The following ANKRD44 variants were observed in gnomAD, a reference collection of about 807,000 sequenced individuals.
The protein encoded by ANKRD44 is ankyrin repeat domain 44.
In ANKRD44, 35 loss-of-function variants were observed where a neutral mutation model predicts 116.0. The observed-to-expected ratio is 0.30, with a 90% CI of 0.23 to 0.40. The LOEUF (loss-of-function observed/expected upper bound fraction) is 0.40, where lower values mean the gene tolerates loss of function less well. ANKRD44 is among the 10% of genes least tolerant of loss of function. The pLI, the probability that ANKRD44 is intolerant of heterozygous loss-of-function variation, is 1.00. For missense variants in ANKRD44, 1,014 were observed against 1,242.6 expected, an observed-to-expected ratio of 0.82 and a Z score of 2.77; for synonymous variants, 435 against 461.8, an observed-to-expected ratio of 0.94 and a Z score of 0.74.
intron 17 of ANKRD44, chr2:197,015,645 T>A: frequency 1.8e-6 from 1 of 558,670 alleles, no homozygotes; most frequent in Non-Finnish European, 3.3e-6. Context: ...GTGAAGGTGG[T>A]GGCAGCAGAG....
Position 197,171,996 on chromosome 2 carries a change from C to CTTTTTTTTTTTTTTTTTTTT in ANKRD44, c.111+15026_111+15027insAAAAAAAAAAAAAAAAAAAA, listed in dbSNP as rs1559122763. ...TATTATTACCATGTCCGTTATTTTTCTTCTTTTTTTTTTTTTTTTTTGAGA... is the reference window on the plus strand; with the variant it reads ...TATTATTACCATGTCCGTTATTTTTCTTTTTTTTTTTTTTTTTTTTTTCTTTTTTTTTTTTTTTTTTGAGA... On this transcript the variant is annotated intron_variant, in intron 2 of 27. Coordinates refer to ENST00000282272, the MANE Select transcript of ANKRD44 (RefSeq NM_001195144.2). Among the ~76,000 whole-genome samples the CTTTTTTTTTTTTTTTTTTTT allele has an allele frequency of 2.7e-4, 8 of 29,318 alleles. 4 individuals are homozygous for CTTTTTTTTTTTTTTTTTTTT. Among genetic ancestry groups the CTTTTTTTTTTTTTTTTTTTT allele is most frequent in the Non-Finnish European group, 2.8e-4 (2 of 7,034 alleles). 19.2% of individuals were successfully genotyped at this position (29,318 alleles called of 152,430 possible).
intron 1 of ANKRD44, among the ~76,000 whole-genome samples, chr2:197,208,036 C>T (rs2081246855): frequency 6.6e-6 from 1 of 152,178 alleles, no homozygotes; most frequent in African/African-American, 2.4e-5. Flanking sequence ...CGTAGTATTA[C>T]ATAGTATTGA....
At chr2:197,127,473 G>A (rs1291545827) in intron 4 of ANKRD44, among the ~76,000 whole-genome samples, 5 of 152,146 alleles carry the variant, frequency 3.3e-5, no homozygotes, top group Non-Finnish European at 7.4e-5. Flanking sequence ...GTAATTTGAT[G>A]GCTATTTAGG....
chr2:197,295,783 C>T (rs950728633), intron 1 of ANKRD44, among the ~76,000 whole-genome samples: 13 of 152,120 alleles, frequency 8.5e-5, no homozygotes, highest in African/African-American at 2.7e-4. Context: ...AGGCTGGGCA[C>T]GGTGGTTTGC....
chr2:197,040,437 C>T (rs1158979748), intron 16 of ANKRD44, among the ~76,000 whole-genome samples: 11 of 128,382 alleles, frequency 8.6e-5, no homozygotes, highest in Middle Eastern at 6.0e-3. Flanking sequence ...AGTGCAGTGG[C>T]GCCATCTCAG....
At chr2:197,149,122 C>G (rs1329172825) in intron 2 of ANKRD44, among the ~76,000 whole-genome samples, 3 of 152,180 alleles carry the variant, frequency 2.0e-5, no homozygotes, top group Non-Finnish European at 4.4e-5. Context: ...AAATTTTCTA[C>G]TGGGATTTTT....
intron 10 of ANKRD44, among the ~76,000 whole-genome samples, chr2:197,098,282 A>T (rs1486429136): frequency 6.6e-6 from 1 of 152,178 alleles, no homozygotes; most frequent in African/African-American, 2.4e-5. Context: ...TGGACAGATG[A>T]AGATAAACCA....
rs913096994 is a variant in ANKRD44, at chr2:196,976,615, C to A, written c.2369-9169G>T. Among the ~76,000 whole-genome samples, 5 of 151,966 alleles carry A rather than the reference C, an allele frequency of 3.3e-5. No individual in the cohort carries two copies. In the South Asian group the frequency reaches 8.3e-4, roughly 25 times the overall value. ...GGTGCAGTGGCTCATGCCTGTAATC[C>A]CAGCACTTTGGGAGGCCAAGACAGG... On this transcript the variant is annotated intron_variant, in intron 21 of 21. Coordinates refer to the ANKRD44 transcript ENST00000424317.
intron 6 of ANKRD44, among the ~76,000 whole-genome samples, chr2:197,124,458 T>C (rs1037642275): frequency 2.6e-5 from 4 of 152,206 alleles, no homozygotes; most frequent in South Asian, 4.1e-4. Flanking sequence ...AAGTTTGTTA[T>C]TGTACAGATT....
rs375783100 is a variant in ANKRD44, at chr2:196,998,383, A to G, written c.2702T>C (p.Val901Ala). Residue 901 changes from valine to alanine, a missense_variant, in exon 25 of 28, where the codon GTA becomes GCA. Val to Ala is a moderately conservative substitution (Grantham distance 64). Coordinates refer to ENST00000282272, the MANE Select transcript of ANKRD44 (RefSeq NM_001195144.2). ...GGGTGTATTCAAGTCCTTATCCTTT[A>G]CAGTCAGATCAGCCTGGGCACTGTT... Reference protein sequence around the residue: ...LVNSAQADLTVKDKDLNTPLH... With the variant: ...LVNSAQADLTAKDKDLNTPLH... 2.5e-6 allele frequency: 4 copies of G among 1,613,894 alleles called. No individual in the cohort carries two copies. In the African/African-American group the frequency reaches 5.3e-5, roughly 22 times the overall value.
At chr2:197,081,831 C>G (rs2077805497) in intron 14 of ANKRD44, 106 bp from the exon 15 acceptor site, 2 of 856,306 alleles carry the variant, frequency 2.3e-6, no homozygotes, top group African/African-American at 1.7e-5. Context: ...TTACCCCAAC[C>G]CAAAAGAAGT....
rs185312460 is a variant in ANKRD44 at position 197,093,774 on chromosome 2, G to T, written c.1101-3742C>A. On this transcript the variant is annotated intron_variant, in intron 10 of 27. Coordinates refer to ENST00000282272, the MANE Select transcript of ANKRD44 (RefSeq NM_001195144.2). ...CAAAGGAAGGATTATAAAACCTTTA[G>T]CAGGAAAATTAGGACTTGGCTGTCT... Among the ~76,000 whole-genome samples, 4 of 152,244 alleles carry T rather than the reference G, an allele frequency of 2.6e-5. No individual in the cohort carries two copies. In the East Asian group the frequency reaches 7.7e-4, roughly 29 times the overall value.
At chr2:197,119,988 A>C (rs528837728) in intron 8 of ANKRD44, among the ~76,000 whole-genome samples, 1 of 152,242 alleles carries the variant, frequency 6.6e-6, no homozygotes, top group South Asian at 2.1e-4. Context: ...TCTATCTGGA[A>C]CACTCTCTCT....
chr2:197,090,935 T>TCATTGG (rs2078029096), intron 10 of ANKRD44, among the ~76,000 whole-genome samples: 1 of 152,224 alleles, frequency 6.6e-6, no homozygotes, highest in Non-Finnish European at 1.5e-5. Flanking sequence ...AGAGCCACTT[T>TCATTGG]CATTGGCAAT....
intron 3 of ANKRD44, among the ~76,000 whole-genome samples, chr2:197,139,756 AT>A (rs1339938051): frequency 6.6e-6 from 1 of 151,828 alleles, no homozygotes; most frequent in Non-Finnish European, 1.5e-5. Context: ...TGTTTGAAAT[AT>A]TTTCTAACAA....
chr2:197,297,323 G>T (rs2083752289), intron 1 of ANKRD44, among the ~76,000 whole-genome samples: 1 of 152,182 alleles, frequency 6.6e-6, no homozygotes, highest in African/African-American at 2.4e-5. Flanking sequence ...TGTTGTTTAA[G>T]TGAGAGAGAG....
chr2:197,093,258 A>C (rs555902915), intron 10 of ANKRD44, among the ~76,000 whole-genome samples: 1 of 152,204 alleles, frequency 6.6e-6, no homozygotes, highest in African/African-American at 2.4e-5. Context: ...ATCAAACTCT[A>C]TAAGAAACCA....
rs559987624 is a variant in ANKRD44 at position 197,046,874 on chromosome 2, T to C, written c.1651-21607A>G. ...GACACAACCTGGGTTTTCCCATGAA[T>C]AGAAATTAATTTCAACTTGTGAGAA... On this transcript the variant is annotated intron_variant, in intron 16 of 27. Transcript: ENST00000282272. Among the ~76,000 whole-genome samples the C allele has an allele frequency of 6.6e-5, 10 of 152,336 alleles. No individual in the cohort carries two copies. The South Asian group carries it at 1.4e-3, about 22-fold the overall frequency.
chr2:196,978,792 T>C (rs572704905), intron 21 of ANKRD44, among the ~76,000 whole-genome samples: 1 of 152,050 alleles, frequency 6.6e-6, no homozygotes, highest in Non-Finnish European at 1.5e-5. Flanking sequence ...GAGCTTTTTT[T>C]TTTCTTTTTT....
Sources: allele counts gnomAD v4.1 joint callset (sites outside exome capture counted in the v4.1 genomes callset), GRCh38; gene constraint gnomAD v4.1.1; transcripts MANE v1.5; gene names NCBI Gene and HGNC (gene_info 2026-07-23, HGNC 2026-07-21).